L3HYPDH: variants seen among roughly 807,000 people sequenced by gnomAD.
L3HYPDH encodes the protein trans-L-3-hydroxyproline dehydratase, also known as trans-3-hydroxy-L-proline dehydratase.
L3HYPDH carries 32 observed loss-of-function variants against 26.5 expected under a neutral mutation model. That is an observed-to-expected ratio of 1.21 (90% CI 0.91 to 1.62). The LOEUF (loss-of-function observed/expected upper bound fraction) is 1.62. Among genes scored for constraint, L3HYPDH ranks in the 40% most tolerant of loss-of-function variants. L3HYPDH has a pLI of 0.00. For synonymous variants in L3HYPDH, 215 were observed against 196.6 expected (o/e 1.09, Z -0.78); for missense variants, 554 against 476.4 (o/e 1.16, Z -1.52).
Position 59,484,072 on chromosome 14 carries a change from G to A in L3HYPDH, c.245C>T (p.Pro82Leu), listed in dbSNP as rs779177998. 1.2e-6 allele frequency: 2 copies of A among 1,607,044 alleles called. No individual in the cohort carries two copies. Among genetic ancestry groups the A allele is most frequent in the Middle Eastern group, 1.7e-4 (1 of 6,056 alleles). The change falls in exon 1 of 5, where the codon CCG becomes CTG. Residue 82 changes from proline to leucine, a missense_variant. Transcript: ENST00000247194. ...HRDMYGAVLV[P>L]SELPDAHLGV... The stretch of plus-strand genomic sequence containing the variant: ...CAGATGCGCGTCCGGCAGCTCGCTC[G>A]GGACTAGGACCGCCCCGTACATGTC...
chr14:59,475,681 T>C (rs1444291729), intron 4 of L3HYPDH, among the ~76,000 whole-genome samples, 188 bp downstream of exon 4: 1 of 152,192 alleles, frequency 6.6e-6, no homozygotes, highest in Admixed American at 6.5e-5. Context: ...GAAAGGACCT[T>C]AGGGGCCCGC....
chr14:59,490,466 C>T, the L3HYPDH span, among the ~76,000 whole-genome samples: 1 of 152,066 alleles, frequency 6.6e-6, no homozygotes, highest in Non-Finnish European at 1.5e-5. Flanking sequence ...ATGGAAGTGG[C>T]ATCATTTGAT....
chr14:59,496,598 C>T, the L3HYPDH span, among the ~76,000 whole-genome samples: 1 of 152,016 alleles, frequency 6.6e-6, no homozygotes. Context: ...TACTACCAAC[C>T]CTCATCTGCA....
downstream of L3HYPDH, among the ~76,000 whole-genome samples, chr14:59,468,867 TGAA>T (rs775483849): frequency 3.9e-5 from 6 of 152,136 alleles, no homozygotes; most frequent in African/African-American, 9.7e-5. Context: ...ACCTTTGCAG[TGAA>T]GAAGGAGAGG....
intron 1 of L3HYPDH, among the ~76,000 whole-genome samples, chr14:59,465,864 G>A (rs771523429): frequency 6.6e-6 from 1 of 152,182 alleles, no homozygotes; most frequent in Non-Finnish European, 1.5e-5. Context: ...AAATACAAGT[G>A]ACGAGGTCTG....
At chr14:59,484,475 C>A, upstream of L3HYPDH, 2 of 1,422,574 alleles carry the variant, frequency 1.4e-6, no homozygotes, top group Non-Finnish European at 1.9e-6. Flanking sequence ...AACTTCGGAG[C>A]TGTCGCCCGG....
At position 59,472,893 on chromosome 14, in the gene L3HYPDH, A is replaced by T; in HGVS notation, c.*72T>A. ...ATATGTATAATTTATTTGTTTTCAT[A>T]TAATTTAGAGAAAACAGTCCTTAAG... On this transcript the variant is annotated 3_prime_UTR_variant, in exon 5 of 5. Coordinates refer to ENST00000247194, the MANE Select transcript of L3HYPDH (RefSeq NM_144581.2). 1 of 1,332,128 alleles carries T rather than the reference A, an allele frequency of 7.5e-7. No homozygotes were observed. Among genetic ancestry groups the T allele is most frequent in the South Asian group, 1.6e-5 (1 of 62,468 alleles). 82.5% of individuals were successfully genotyped at this position (1,332,128 alleles called of 1,614,324 possible). A position where few individuals can be genotyped will look rare whatever the true frequency, so the allele number is the denominator to read the frequency against.
At chr14:59,470,082 T>C (rs567735273), downstream of L3HYPDH, among the ~76,000 whole-genome samples, 38 of 152,262 alleles carry the variant, frequency 2.5e-4, no homozygotes, top group Middle Eastern at 0.014. Flanking sequence ...GAAAAGAAGG[T>C]AAGGCAATTT....
intron 2 of L3HYPDH, among the ~76,000 whole-genome samples, chr14:59,477,684 A>G (rs1465597512): frequency 6.6e-6 from 1 of 152,258 alleles, no homozygotes; most frequent in Non-Finnish European, 1.5e-5. Context: ...AGTTGCTATC[A>G]TAATATAATT....
the L3HYPDH span, chr14:59,501,077 A>T: frequency 1.5e-6 from 1 of 669,726 alleles, no homozygotes; most frequent in Non-Finnish European, 2.5e-6. Flanking sequence ...TAAGTCTCAC[A>T]GAACTGGTTG....
At chr14:59,495,903 GTTT>G in the L3HYPDH span, among the ~76,000 whole-genome samples, 1 of 152,104 alleles carries the variant, frequency 6.6e-6, no homozygotes, top group African/African-American at 2.4e-5. Context: ...CTACCTGCCA[GTTT>G]TTTGTTTGTT....
At chr14:59,504,787 A>C in the L3HYPDH span, 1 of 152,762 alleles carries the variant, frequency 6.5e-6, no homozygotes, top group Non-Finnish European at 1.5e-5. Context: ...GTTTCCTCTC[A>C]TATCTCGGGT....
At chr14:59,473,238 G>T in intron 4 of L3HYPDH, 148 bp from the exon 5 acceptor site, 1 of 601,336 alleles carries the variant, frequency 1.7e-6, no homozygotes, top group Non-Finnish European at 2.7e-6. Flanking sequence ...AGAATGACAT[G>T]GTCAGACTTG....
In L3HYPDH at chr14:59,484,125, C is replaced by T. The variant is rs758199477; in HGVS notation, c.192G>A (p.Arg64=). The T allele has an allele frequency of 1.1e-5, 17 of 1,602,838 alleles. No homozygotes were observed. In the South Asian group the frequency reaches 1.9e-4, roughly 18 times the overall value. The part of the protein sequence containing the change: ...MRQHLDHVRR[R]LMFEPRGHRD... ...GGTGCCCTCGGGGCTCGAACATGAGCCGTCGCCGCACGTGGTCAAGGTGCT... is the reference window on the plus strand; with the variant it reads ...GGTGCCCTCGGGGCTCGAACATGAGTCGTCGCCGCACGTGGTCAAGGTGCT... Residue 64 remains arginine (R), a synonymous_variant, in exon 1 of 5, where the codon CGG becomes CGA. Coordinates refer to ENST00000247194, the MANE Select transcript of L3HYPDH (RefSeq NM_144581.2).
At chr14:59,498,560 C>T in the L3HYPDH span, among the ~76,000 whole-genome samples, 7 of 152,196 alleles carry the variant, frequency 4.6e-5, no homozygotes, top group African/African-American at 9.6e-5. Context: ...CCTTGCTAGC[C>T]GTGTATGACA....
the L3HYPDH span, among the ~76,000 whole-genome samples, chr14:59,497,216 A>C: frequency 6.6e-6 from 1 of 152,192 alleles, no homozygotes; most frequent in South Asian, 2.1e-4. Flanking sequence ...CTATCATTAT[A>C]ACTTACTGCA....
At chr14:59,493,420 G>A in the L3HYPDH span, among the ~76,000 whole-genome samples, 3 of 152,156 alleles carry the variant, frequency 2.0e-5, no homozygotes, top group African/African-American at 7.2e-5. Flanking sequence ...ACCATGTGGA[G>A]CAGAAAGAAC....
At chr14:59,478,419 TCACA>T (rs1889785784) in intron 2 of L3HYPDH, among the ~76,000 whole-genome samples, 1 of 151,780 alleles carries the variant, frequency 6.6e-6, no homozygotes, top group South Asian at 2.1e-4. Flanking sequence ...ACACACACAC[TCACA>T]CAAACACAGA....
chr14:59,479,308 G>C lies in L3HYPDH; in HGVS notation c.552C>G (p.Asp184Glu), dbSNP rs757964884. 5.6e-6 allele frequency: 9 copies of C among 1,613,320 alleles called. No homozygotes were observed. The highest frequency in any genetic ancestry group is 6.8e-6 in the Non-Finnish European group (8 of 1,179,778). The change falls in exon 2 of 5, where the codon GAC (aspartate) becomes GAG (glutamate). Residue 184 changes from aspartate (D) to glutamate (E), a missense_variant. Asp to Glu is a conservative substitution (Grantham distance 45, BLOSUM62 2). Coordinates refer to ENST00000247194, the MANE Select transcript of L3HYPDH (RefSeq NM_144581.2). ...CATAAAATGCACCGCCATATGCAATGTCCACCATCACCTTTCCATGTCCAG... is the reference window on the plus strand; with the variant it reads ...CATAAAATGCACCGCCATATGCAATCTCCACCATCACCTTTCCATGTCCAG... ...DVPGHGKVMV[D>E]IAYGGAFYAF... is the part of the protein sequence containing the mutation.
Sources: allele counts gnomAD v4.1 joint callset (sites outside exome capture counted in the v4.1 genomes callset), GRCh38; gene constraint gnomAD v4.1.1; transcripts MANE v1.5; gene names NCBI Gene and HGNC (gene_info 2026-07-23, HGNC 2026-07-21).